The following CHST9 variants were observed in gnomAD, a reference collection of about 807,000 sequenced individuals.
The protein encoded by CHST9 is GalNAc-4-sulfotransferase 2.
A neutral mutation model predicts 44.4 loss-of-function variants in CHST9; 41 were observed. That is an observed-to-expected ratio of 0.92 (90% CI 0.72 to 1.20). The LOEUF (loss-of-function observed/expected upper bound fraction) is 1.20, where lower values mean the gene tolerates loss of function less well. Among genes scored for constraint, CHST9 ranks in the 50% most tolerant of loss-of-function variants. The probability of loss-of-function intolerance (pLI) is 0.00; values close to 1 mark genes in which losing one functional copy is unlikely to be tolerated. For missense variants in CHST9, 504 were observed against 516.5 expected (o/e 0.98, Z 0.23); for synonymous variants, 171 against 178.4 (o/e 0.96, Z 0.33).
rs1014117465 is a variant in CHST9, at chr18:27,185,139, G to C, written c.-100C>G. The C allele has an allele frequency of 4.0e-5, 6 of 150,752 alleles. No homozygotes were observed. The highest frequency in any genetic ancestry group is 1.5e-4 in the African/African-American group (6 of 40,854). The allele number at this position is 150,752 out of a possible 1,614,324, so 9.3% of individuals were successfully genotyped here. ...ACCCCAGCCCCAGCGCGGTTACCTC[G>C]CGGGCCGCTGCCGGGCGCTTGCAGG... is the stretch of plus-strand genomic sequence containing the variant. On this transcript the variant is annotated 5_prime_UTR_variant, in exon 1 of 6. Coordinates refer to ENST00000618847, the MANE Select transcript of CHST9 (RefSeq NM_031422.6).
At chr18:26,974,666 TCTTTTTTTTTTC>T (rs1233744976) in intron 4 of CHST9, among the ~76,000 whole-genome samples, 1 of 150,892 alleles carries the variant, frequency 6.6e-6, no homozygotes, top group Non-Finnish European at 1.5e-5. Context: ...TTATTTTCTT[TCTTTTTTTTTTC>T]CTTTTTTTTT....
At chr18:27,115,937 T>C (rs1394240956) in intron 2 of CHST9, among the ~76,000 whole-genome samples, 3 of 152,192 alleles carry the variant, frequency 2.0e-5, no homozygotes, top group African/African-American at 7.2e-5. Context: ...CATTCATACG[T>C]CTTCTTTGGA....
intron 2 of CHST9, among the ~76,000 whole-genome samples, chr18:27,094,702 T>A (rs1427868204): frequency 2.0e-5 from 3 of 152,184 alleles, no homozygotes. Context: ...ATACAAAGCT[T>A]GGACATTTTT....
intron 4 of CHST9, among the ~76,000 whole-genome samples, chr18:27,002,078 G>A (rs2056960169): frequency 6.6e-6 from 1 of 151,950 alleles, no homozygotes; most frequent in African/African-American, 2.4e-5. Flanking sequence ...TTGGGTGGAT[G>A]AATGAGAAAG....
intron 2 of CHST9, among the ~76,000 whole-genome samples, chr18:27,058,611 A>G (rs2057685585): frequency 6.6e-6 from 1 of 152,222 alleles, no homozygotes; most frequent in Non-Finnish European, 1.5e-5. Context: ...AGGAAGCTCT[A>G]GCTAACCACA....
At chr18:27,148,943 C>T (rs201965365) in intron 1 of CHST9, among the ~76,000 whole-genome samples, 8,731 of 99,108 alleles carry the variant, frequency 0.088, 747 homozygotes, top group East Asian at 0.19. Flanking sequence ...TTTTAATGAT[C>T]GCCATTCTAA....
Position 27,142,734 on chromosome 18 carries a change from G to A in CHST9, c.76C>T (p.Leu26Phe). Residue 26 changes from leucine to phenylalanine, a missense_variant, in exon 2 of 6, where the codon CTC becomes TTC. Physicochemically the swap from Leu to Phe is conservative, Grantham distance 22. Coordinates refer to ENST00000618847, the MANE Select transcript of CHST9 (RefSeq NM_031422.6). ...SVLIFGVAGL[L>F]LFMYLQVWIE... ...CAGACTTGCAAATACATGAAGAGGA[G>A]TAGCCCAGCTACTCCAAATATCAGC... is the stretch of plus-strand genomic sequence containing the variant. The A allele has an allele frequency of 6.2e-7, 1 of 1,611,892 alleles. No homozygotes were observed. Among genetic ancestry groups the A allele is most frequent in the Non-Finnish European group, 8.5e-7 (1 of 1,178,748 alleles).
chr18:27,111,189 C>T (rs2058267954), intron 2 of CHST9, among the ~76,000 whole-genome samples: 1 of 152,192 alleles, frequency 6.6e-6, no homozygotes, highest in African/African-American at 2.4e-5. Context: ...CCAGGAGAAA[C>T]AGCACATGGG....
intron 4 of CHST9, among the ~76,000 whole-genome samples, chr18:26,982,059 T>C (rs2056698213): frequency 1.3e-5 from 2 of 152,304 alleles, no homozygotes; most frequent in African/African-American, 4.8e-5. Flanking sequence ...CATCATTCAA[T>C]GGCTTACAGC....
chr18:26,955,455 T>A (rs947297147), intron 4 of CHST9, among the ~76,000 whole-genome samples: 1 of 152,166 alleles, frequency 6.6e-6, no homozygotes, highest in Non-Finnish European at 1.5e-5. Context: ...ACTCAAATAG[T>A]TTTTTTGGGG....
At chr18:27,049,017 T>C (rs1435198470) in intron 2 of CHST9, among the ~76,000 whole-genome samples, 2 of 151,978 alleles carry the variant, frequency 1.3e-5, no homozygotes, top group Non-Finnish European at 2.9e-5. Context: ...ACAAATGGGA[T>C]TTGAGAAATT....
chr18:26,985,658 T>G (rs995627079), intron 4 of CHST9, among the ~76,000 whole-genome samples: 1 of 152,200 alleles, frequency 6.6e-6, no homozygotes, highest in Non-Finnish European at 1.5e-5. Context: ...GCTGAACATC[T>G]GCTGAGGCTT....
At chr18:26,962,843 C>CAGGTGGTAGGTGATAGATGGT (rs2056417856) in intron 4 of CHST9, among the ~76,000 whole-genome samples, 1 of 152,020 alleles carries the variant, frequency 6.6e-6, no homozygotes, top group African/African-American at 2.4e-5. Flanking sequence ...AGAAAACTGG[C>CAGGTGGTAGGTGATAGATGGT]AGGTGGTAGG....
intron 4 of CHST9, among the ~76,000 whole-genome samples, chr18:26,969,376 C>CTGTGTGTGTGTGTGTGTG (rs1208856677): frequency 8.4e-5 from 8 of 95,590 alleles, no homozygotes; most frequent in African/African-American, 2.3e-4. Flanking sequence ...CTCTCTCTCT[C>CTGTGTGTGTGTGTGTGTG]TGTGTGTGTG....
chr18:26,923,085 G>C (rs2055693339), intron 5 of CHST9, among the ~76,000 whole-genome samples: 1 of 152,218 alleles, frequency 6.6e-6, no homozygotes, highest in South Asian at 2.1e-4. Flanking sequence ...CTGGATGCCA[G>C]AGATGGTGGG....
At chr18:27,182,331 T>C (rs57948166) in intron 1 of CHST9, among the ~76,000 whole-genome samples, 3,988 of 83,200 alleles carry the variant, frequency 0.048, 173 homozygotes, top group African/African-American at 0.14. Flanking sequence ...AAGCCATTCT[T>C]CTAAGTTAGG....
intron 2 of CHST9, among the ~76,000 whole-genome samples, chr18:27,055,457 C>T (rs1462576690): frequency 6.6e-6 from 1 of 152,130 alleles, no homozygotes; most frequent in Non-Finnish European, 1.5e-5. Flanking sequence ...GAGGAAGGAG[C>T]TTGAAATGCT....
At chr18:26,985,257 A>G (rs913142193) in intron 4 of CHST9, among the ~76,000 whole-genome samples, 3 of 152,238 alleles carry the variant, frequency 2.0e-5, no homozygotes, top group African/African-American at 7.2e-5. Flanking sequence ...CAATTTATGC[A>G]GTGTTCTAAA....
chr18:27,052,254 GTA>G (rs1012207190), intron 2 of CHST9, among the ~76,000 whole-genome samples: 2 of 148,164 alleles, frequency 1.3e-5, no homozygotes, highest in Non-Finnish European at 3.0e-5. Context: ...AGGTGTGTGT[GTA>G]TATATATATG....
Sources: gnomAD v4.1 joint callset for allele counts (sites outside exome capture counted in the v4.1 genomes callset) on GRCh38, gnomAD v4.1.1 for gene constraint, MANE v1.5 for transcripts, NCBI Gene and HGNC (gene_info 2026-07-23, HGNC 2026-07-21) for gene names.